The following ZNF107 variants were observed in gnomAD, a reference collection of about 807,000 sequenced individuals.
ZNF107 encodes zinc finger protein 107.
Under a neutral mutation model 12.3 loss-of-function variants are expected in ZNF107, and 19 were observed. The observed-to-expected ratio is 1.55, with a 90% CI of 1.08 to 2.27. The LOEUF (loss-of-function observed/expected upper bound fraction) is 2.27. Ranked by LOEUF, ZNF107 falls within the 30% of genes most tolerant of loss-of-function variation. The pLI, the probability that ZNF107 is intolerant of heterozygous loss-of-function variation, is 0.00. For missense variants in ZNF107, 958 were observed against 979.9 expected (o/e 0.98, Z 0.30); for synonymous variants, 317 against 330.5 (o/e 0.96, Z 0.44).
intron 3 of ZNF107, among the ~76,000 whole-genome samples, chr7:64,694,801 T>G (rs1790232362): frequency 6.6e-6 from 1 of 152,200 alleles, no homozygotes; most frequent in Non-Finnish European, 1.5e-5. Context: ...TTTTATTTTC[T>G]ACTTCAAATT....
intron 1 of ZNF107, among the ~76,000 whole-genome samples, chr7:64,676,681 C>T (rs1401756727): frequency 6.6e-6 from 1 of 152,204 alleles, no homozygotes; most frequent in Admixed American, 6.5e-5. Context: ...TGAAAAGCTG[C>T]ATACCTCCCC....
chr7:64,674,089 G>A (rs1789332650), intron 1 of ZNF107, among the ~76,000 whole-genome samples: 1 of 150,654 alleles, frequency 6.6e-6, no homozygotes, highest in South Asian at 2.1e-4. Flanking sequence ...GGCTATTTGA[G>A]CTCTTTGTTG....
intron 1 of ZNF107, among the ~76,000 whole-genome samples, chr7:64,685,581 A>G (rs929673454): frequency 4.6e-5 from 7 of 152,214 alleles, no homozygotes; most frequent in Non-Finnish European, 7.4e-5. Context: ...TTTTCCTCCA[A>G]TGGGAAAATA....
Position 64,710,002 on chromosome 7 carries a change from C to A in ZNF107, c.*1346C>A. Reference sequence around the variant, plus strand: ...AATTAGCTGCGTGTGGTGGCAGGCCCCTGTAATCCCAGCTAATTGGGAGGC... The same window carrying A: ...AATTAGCTGCGTGTGGTGGCAGGCCACTGTAATCCCAGCTAATTGGGAGGC... On this transcript the variant is annotated 3_prime_UTR_variant, in exon 4 of 4. Transcript: ENST00000620827. 2 of 234,312 alleles carry A rather than the reference C, an allele frequency of 8.5e-6. No homozygotes were observed. Among genetic ancestry groups the A allele is most frequent in the South Asian group, 9.4e-5 (2 of 21,250 alleles). The allele number at this position is 234,312 out of a possible 1,614,324, so 14.5% of individuals were successfully genotyped here. A position where few individuals can be genotyped will look rare whatever the true frequency, so the allele number is the denominator to read the frequency against.
chr7:64,708,028 C>T lies in ZNF107; in HGVS notation c.1931C>T (p.Thr644Ile), dbSNP rs750495977. ...CTTACTACACAAAAGATAATTCATA[C>T]TGGAGAGAACCTCTACAAATTTGAA... is the stretch of plus-strand genomic sequence containing the variant. Reference protein sequence around the residue: ...SNLTTQKIIHTGENLYKFEEH... With the variant: ...SNLTTQKIIHIGENLYKFEEH... Residue 644 changes from threonine (T) to isoleucine (I), a missense_variant, in exon 4 of 4, where the codon ACT becomes ATT. Transcript: ENST00000620827. 2.5e-6 allele frequency: 4 copies of T among 1,613,274 alleles called. 1 individual carries two copies. The East Asian group carries it at 6.7e-5, about 27-fold the overall frequency.
intron 3 of ZNF107, among the ~76,000 whole-genome samples, chr7:64,699,835 G>A (rs142273759): frequency 0.016 from 2,402 of 152,144 alleles, 68 homozygotes; most frequent in African/African-American, 0.055. Flanking sequence ...TTGGGAGGCC[G>A]AGGCGGGCGG....
At chr7:64,677,582 G>T (rs563207366) in intron 1 of ZNF107, among the ~76,000 whole-genome samples, 1 of 151,404 alleles carries the variant, frequency 6.6e-6, no homozygotes, top group Non-Finnish European at 1.5e-5. Flanking sequence ...GGCTAGGCGT[G>T]GTGGCTCACG....
rs754724637 is a variant in ZNF107, at chr7:64,708,176, TATACATAA to T, written c.2080_2087del (p.Ile694GlufsTer19). 1 of 1,611,388 alleles carries T rather than the reference TATACATAA, an allele frequency of 6.2e-7. No individual in the cohort carries two copies. The highest frequency in any genetic ancestry group is 8.5e-7 in the Non-Finnish European group (1 of 1,179,248). On this transcript the variant is annotated frameshift_variant, in exon 4 of 4. Coordinates refer to ENST00000620827, the MANE Select transcript of ZNF107 (RefSeq NM_001282359.2). LOFTEE classifies it low-confidence loss of function (END_TRUNC). ...CTTATAACCGATTCTCAAACCTAAC[TATACATAA>T]GAGAATTCATACGGGAGAGAAACCT...
chr7:64,690,266 A>C, intron 1 of ZNF107: 1 of 648,620 alleles, frequency 1.5e-6, no homozygotes, highest in South Asian at 6.8e-5. Context: ...ATTACCCTAG[A>C]AAACCCCAGG....
intron 3 of ZNF107, among the ~76,000 whole-genome samples, chr7:64,698,330 C>T (rs932128361): frequency 6.6e-6 from 1 of 152,002 alleles, no homozygotes; most frequent in Admixed American, 6.6e-5. Context: ...ATGTGATTTG[C>T]AAATATTTTC....
chr7:64,674,047 C>T (rs769113199), intron 1 of ZNF107, among the ~76,000 whole-genome samples: 1 of 151,740 alleles, frequency 6.6e-6, no homozygotes, highest in Non-Finnish European at 1.5e-5. Context: ...TGCAGTGCCT[C>T]CAGCTTTGTT....
At chr7:64,687,410 C>T in intron 1 of ZNF107, 1 of 985,438 alleles carries the variant, frequency 1.0e-6, no homozygotes, top group Non-Finnish European at 1.2e-6. Flanking sequence ...AGGCTTCATT[C>T]TCTGATGTGG....
chr7:64,686,593 C>T lies in ZNF107; in HGVS notation c.4-4655C>T, dbSNP rs547662903. 174 of 985,396 alleles carry T rather than the reference C, an allele frequency of 1.8e-4. No individual in the cohort carries two copies. In the South Asian group the frequency reaches 7.0e-3, roughly 39 times the overall value. 61.0% of individuals were successfully genotyped at this position (985,396 alleles called of 1,614,324 possible). Reference sequence around the variant, plus strand: ...CCCACAAATATGGCTGCATTATTGCCAGCAGGCCATTATTGACGGTGGGCC... The same window carrying T: ...CCCACAAATATGGCTGCATTATTGCTAGCAGGCCATTATTGACGGTGGGCC... On this transcript the variant is annotated intron_variant, in intron 1 of 3. Transcript: ENST00000620827.
intron 1 of ZNF107, chr7:64,684,444 T>C: frequency 2.7e-6 from 1 of 370,686 alleles, no homozygotes; most frequent in Non-Finnish European, 3.7e-6. Flanking sequence ...TCGTTTATGG[T>C]ACCCCAATGG....
intron 1 of ZNF107, chr7:64,679,314 G>C (rs1022491530): frequency 1.0e-6 from 1 of 984,964 alleles, no homozygotes; most frequent in East Asian, 1.2e-4. Context: ...CTCTGTAAAA[G>C]CCCCGCCTCT....
intron 3 of ZNF107, among the ~76,000 whole-genome samples, chr7:64,703,464 A>T (rs1309244400): frequency 6.6e-6 from 1 of 152,158 alleles, no homozygotes; most frequent in African/African-American, 2.4e-5. Flanking sequence ...AGATTGAAAG[A>T]TAATTTGAAG....
rs1790880753 is a variant in ZNF107 at position 64,711,367 on chromosome 7, A to G, written c.*2711A>G. The G allele has an allele frequency of 6.6e-6, 1 of 152,214 alleles. No homozygotes were observed. Among genetic ancestry groups the G allele is most frequent in the Non-Finnish European group, 1.5e-5 (1 of 68,014 alleles). 9.4% of individuals were successfully genotyped at this position (152,214 alleles called of 1,614,324 possible). ...ATGTATGGCATATTTTGATACAGGC[A>G]TATAATTTTATGTATTAATCACATC... is the stretch of plus-strand genomic sequence containing the variant. On this transcript the variant is annotated 3_prime_UTR_variant, in exon 4 of 4. Coordinates refer to ENST00000620827, the MANE Select transcript of ZNF107 (RefSeq NM_001282359.2).
chr7:64,700,355 A>ACTTCCT (rs1367706743), intron 3 of ZNF107, among the ~76,000 whole-genome samples: 1 of 151,888 alleles, frequency 6.6e-6, no homozygotes, highest in Admixed American at 6.6e-5. Context: ...TTCACCTCAT[A>ACTTCCT]CTTCCTCTGT....
At chr7:64,695,543 A>G (rs1230640159) in intron 3 of ZNF107, among the ~76,000 whole-genome samples, 1 of 152,092 alleles carries the variant, frequency 6.6e-6, no homozygotes, top group Non-Finnish European at 1.5e-5. Flanking sequence ...TATTTATGTA[A>G]TTTTAGATAA....
Sources: gnomAD v4.1 joint callset for allele counts (sites outside exome capture counted in the v4.1 genomes callset) on GRCh38, gnomAD v4.1.1 for gene constraint, MANE v1.5 for transcripts, NCBI Gene and HGNC (gene_info 2026-07-23, HGNC 2026-07-21) for gene names.